The following SDK1 variants were observed in gnomAD, a reference collection of about 807,000 sequenced individuals.
SDK1 encodes the protein sidekick cell adhesion molecule 1, also known as protein sidekick-1.
A neutral mutation model predicts 245.5 loss-of-function variants in SDK1; 157 were observed. The observed-to-expected ratio is 0.64, with a 90% confidence interval of 0.56 to 0.73. The LOEUF (loss-of-function observed/expected upper bound fraction) is 0.73. Ranked by LOEUF, SDK1 falls within the 30% of genes least tolerant of loss-of-function variation. The pLI is 0.00. For missense variants in SDK1, 3,583 were observed against 3,002.3 expected (o/e 1.19, Z -4.52); for synonymous variants, 1,647 against 1,278.5 (o/e 1.29, Z -6.15).
chr7:3,481,941 A>G (rs10242223), intron 1 of SDK1, among the ~76,000 whole-genome samples: 113,060 of 152,150 alleles, frequency 0.74, 42,766 homozygotes, highest in African/African-American at 0.89. Context: ...GCCGTCCTTT[A>G]TGGAAATAAA....
intron 1 of SDK1, among the ~76,000 whole-genome samples, chr7:3,499,731 G>T (rs1413164676): frequency 1.3e-5 from 2 of 152,166 alleles, no homozygotes; most frequent in Non-Finnish European, 1.5e-5. Flanking sequence ...GTCATAGCCG[G>T]GCCTGTTTTT....
rs566246782 is a variant in SDK1, at chr7:4,045,793, C to T, written c.2603-3555C>T. Among the ~76,000 whole-genome samples, 5 of 152,268 alleles carry T rather than the reference C, an allele frequency of 3.3e-5. No homozygotes were observed. The South Asian group carries it at 1.0e-3, about 32-fold the overall frequency. The stretch of plus-strand genomic sequence containing the variant: ...GAGTCCTTCTAATAGGGGTCCAGGG[C>T]ATCCCATCATGGTAAATGGGATGGT... On this transcript the variant is annotated intron_variant, in intron 17 of 44. Coordinates refer to ENST00000404826, the MANE Select transcript of SDK1 (RefSeq NM_152744.4).
Position 3,454,423 on chromosome 7 carries a change from T to TGTGTGTGTGTGTGTGC in SDK1, c.298+152540_298+152541insTGTGTGTGTGTGTGCG, listed in dbSNP as rs1554273965. Among the ~76,000 whole-genome samples, 671 of 150,074 alleles carry TGTGTGTGTGTGTGTGC rather than the reference T, an allele frequency of 4.5e-3. 10 individuals are homozygous for TGTGTGTGTGTGTGTGC. The highest frequency in any genetic ancestry group is 0.015 in the African/African-American group (605 of 40,238). On this transcript the variant is annotated intron_variant, in intron 1 of 44. Transcript: ENST00000404826. ...GTGTGTGTGTGTGTGTGTGTGTGTG[T>TGTGTGTGTGTGTGTGC]GCTGTGTACATTTAAGTCTATGCAA...
At chr7:4,143,792 G>A (rs116142321) in intron 28 of SDK1, among the ~76,000 whole-genome samples, 387 of 152,286 alleles carry the variant, frequency 2.5e-3, no homozygotes, top group African/African-American at 8.7e-3. Context: ...CGACTCTCTC[G>A]TCACTTTCTC....
chr7:3,550,439 A>G (rs543648260), intron 1 of SDK1, among the ~76,000 whole-genome samples: 1 of 152,364 alleles, frequency 6.6e-6, no homozygotes, highest in Non-Finnish European at 1.5e-5. Flanking sequence ...CCTGACGCTC[A>G]CTTGACTAAG....
chr7:3,682,151 G>C (rs763664595), intron 4 of SDK1, among the ~76,000 whole-genome samples: 2 of 152,126 alleles, frequency 1.3e-5, no homozygotes, highest in Non-Finnish European at 2.9e-5. Context: ...TTACAAAAAT[G>C]GTTTACCTCT....
intron 44 of SDK1, among the ~76,000 whole-genome samples, chr7:4,248,146 G>A (rs913897688): frequency 9.9e-5 from 15 of 152,090 alleles, no homozygotes; most frequent in South Asian, 4.1e-4. Context: ...ATACATTCAC[G>A]TATGCATGCA....
intron 1 of SDK1, among the ~76,000 whole-genome samples, chr7:3,608,369 T>G (rs1244738234): frequency 6.6e-6 from 1 of 152,218 alleles, no homozygotes; most frequent in Non-Finnish European, 1.5e-5. Context: ...ACCCCATTTT[T>G]ACTTGAAGTA....
intron 21 of SDK1, 60 bp from the exon 22 acceptor site, chr7:4,079,402 TA>T: frequency 5.7e-6 from 9 of 1,590,732 alleles, no homozygotes; most frequent in Non-Finnish European, 7.7e-6. Context: ...ACACGTTTGA[TA>T]CCTTTCCTAA....
intron 25 of SDK1, among the ~76,000 whole-genome samples, chr7:4,125,841 C>G (rs150140735): frequency 6.6e-6 from 1 of 152,142 alleles, no homozygotes; most frequent in African/African-American, 2.4e-5. Context: ...TGAGAAGACT[C>G]TTAAGTAAGG....
intron 13 of SDK1, among the ~76,000 whole-genome samples, chr7:3,981,172 T>C (rs1163480624): frequency 6.6e-6 from 1 of 152,176 alleles, no homozygotes; most frequent in African/African-American, 2.4e-5. Flanking sequence ...ACTTTGTCAC[T>C]ATGATTGTAT....
intron 44 of SDK1, among the ~76,000 whole-genome samples, chr7:4,259,900 C>G (rs1000709731): frequency 2.8e-4 from 42 of 152,298 alleles, no homozygotes; most frequent in Non-Finnish European, 4.4e-4. Flanking sequence ...TCCCACCCAG[C>G]CTCTCTCGCT....
At chr7:4,185,047 A>T (rs1040879883) in intron 35 of SDK1, among the ~76,000 whole-genome samples, 8 of 152,188 alleles carry the variant, frequency 5.3e-5, no homozygotes, top group African/African-American at 1.4e-4. Context: ...GCTGCAGCCA[A>T]CGTCCTGAGG....
chr7:3,793,424 C>T (rs1412409055), intron 4 of SDK1, among the ~76,000 whole-genome samples: 3 of 152,118 alleles, frequency 2.0e-5, no homozygotes, highest in Admixed American at 6.5e-5. Flanking sequence ...CAGCGATTGA[C>T]GTGACAAACG....
chr7:3,565,145 C>T (rs540739462), intron 1 of SDK1, among the ~76,000 whole-genome samples: 3 of 151,390 alleles, frequency 2.0e-5, no homozygotes, highest in Admixed American at 6.6e-5. Context: ...GATAACTAGA[C>T]ACTGGAATAT....
chr7:3,673,853 A>G (rs150778679), intron 4 of SDK1, among the ~76,000 whole-genome samples: 2 of 152,356 alleles, frequency 1.3e-5, no homozygotes, highest in African/African-American at 2.4e-5. Context: ...AGTTCTAAGT[A>G]CTTCTTGAAC....
chr7:4,094,221 C>T (rs1336788324), intron 22 of SDK1, among the ~76,000 whole-genome samples: 8 of 152,090 alleles, frequency 5.3e-5, no homozygotes, highest in Non-Finnish European at 1.2e-4. Flanking sequence ...GCCACCACAC[C>T]CAGCTAATTT....
intron 14 of SDK1, among the ~76,000 whole-genome samples, chr7:3,989,173 G>C (rs561105786): frequency 6.6e-6 from 1 of 152,214 alleles, no homozygotes; most frequent in Non-Finnish European, 1.5e-5. Context: ...ACAGAGGAAA[G>C]AGGTTTAATG....
chr7:4,110,598 G>A, intron 22 of SDK1, 65 bp from the exon 23 acceptor site: 1 of 1,164,058 alleles, frequency 8.6e-7, no homozygotes, highest in Non-Finnish European at 1.3e-6. Context: ...AGGTGCACAT[G>A]GTCTACATGG....
Sources: allele counts gnomAD v4.1 joint callset (sites outside exome capture counted in the v4.1 genomes callset), GRCh38; gene constraint gnomAD v4.1.1; transcripts MANE v1.5; gene names NCBI Gene and HGNC (gene_info 2026-07-23, HGNC 2026-07-21).